TBC1D5: variants seen among roughly 807,000 people sequenced by gnomAD.
The protein encoded by TBC1D5 is TBC1 domain family, member 5.
A neutral mutation model predicts 100.3 loss-of-function variants in TBC1D5; 75 were observed. The ratio of observed to expected loss-of-function variants is 0.75; its 90% CI spans 0.62 to 0.91. TBC1D5 has a LOEUF of 0.91. Ranked by LOEUF, TBC1D5 falls within the 40% of genes least tolerant of loss-of-function variation. TBC1D5 has a pLI of 0.00. For missense variants in TBC1D5, 910 were observed against 942.4 expected, an observed-to-expected ratio of 0.97 and a Z score of 0.45; for synonymous variants, 323 against 325.6, an observed-to-expected ratio of 0.99 and a Z score of 0.09.
At chr3:17,201,221 C>T (rs564457429) in intron 18 of TBC1D5, among the ~76,000 whole-genome samples, 1 of 152,102 alleles carries the variant, frequency 6.6e-6, no homozygotes. Context: ...CAACTTCACC[C>T]TCTTTCAGTG....
chr3:17,330,250 C>T lies in TBC1D5; in HGVS notation c.996-22116G>A, dbSNP rs1240053831. 2.0e-5 allele frequency among the ~76,000 whole-genome samples: 3 copies of T among 152,138 alleles called. No individual in the cohort carries two copies. The East Asian group carries it at 5.8e-4, about 29-fold the overall frequency. ...CACTCAATTCCCTTTCCCTACAATC[C>T]AGCTGTTAACATCTATGAGGCGAAA... On this transcript the variant is annotated intron_variant, in intron 13 of 21. Transcript: ENST00000253692.
intron 8 of TBC1D5, among the ~76,000 whole-genome samples, chr3:17,384,529 G>C (rs2093073699): frequency 6.6e-6 from 1 of 151,748 alleles, no homozygotes; most frequent in Admixed American, 6.6e-5. Flanking sequence ...CACCACAACT[G>C]CAAGAACCCA....
intron 2 of TBC1D5, among the ~76,000 whole-genome samples, chr3:17,526,787 G>C (rs1252811702): frequency 2.6e-5 from 4 of 152,184 alleles, no homozygotes; most frequent in Non-Finnish European, 5.9e-5. Context: ...AGTAAGGTTA[G>C]AATAAAATCA....
At chr3:17,601,263 C>A (rs2060917261) in intron 2 of TBC1D5, among the ~76,000 whole-genome samples, 1 of 152,200 alleles carries the variant, frequency 6.6e-6, no homozygotes, top group Non-Finnish European at 1.5e-5. Flanking sequence ...GTAATCCCAG[C>A]ACTTTGGGAG....
chr3:17,561,780 T>C (rs549444157), intron 2 of TBC1D5, among the ~76,000 whole-genome samples: 7 of 152,314 alleles, frequency 4.6e-5, no homozygotes, highest in African/African-American at 1.7e-4. Context: ...TCATTTTATG[T>C]TGGCATGATC....
chr3:17,443,617 T>C (rs1333591010), intron 3 of TBC1D5, among the ~76,000 whole-genome samples: 1 of 152,242 alleles, frequency 6.6e-6, no homozygotes, highest in East Asian at 1.9e-4. Context: ...AGTTTTATTT[T>C]GTGCCTCAGC....
At chr3:17,400,745 CAGA>C (rs2093624474) in intron 8 of TBC1D5, among the ~76,000 whole-genome samples, 1 of 152,060 alleles carries the variant, frequency 6.6e-6, no homozygotes, top group Non-Finnish European at 1.5e-5. Flanking sequence ...ATAAAGCAGG[CAGA>C]AGAAGGTGGA....
chr3:17,203,419 C>T (rs915339004), intron 18 of TBC1D5, among the ~76,000 whole-genome samples: 5 of 152,030 alleles, frequency 3.3e-5, no homozygotes, highest in East Asian at 1.9e-4. Context: ...TGTGGACTTT[C>T]GAGTTAATGA....
intron 3 of TBC1D5, among the ~76,000 whole-genome samples, chr3:17,489,553 A>C (rs893937184): frequency 9.2e-5 from 14 of 151,986 alleles, no homozygotes; most frequent in African/African-American, 2.7e-4. Flanking sequence ...TCATTGTTCA[A>C]CTCCCACTGA....
intron 18 of TBC1D5, among the ~76,000 whole-genome samples, chr3:17,191,398 G>A (rs2069873695): frequency 6.6e-6 from 1 of 152,180 alleles, no homozygotes; most frequent in East Asian, 1.9e-4. Context: ...CTCAATAAAT[G>A]TGAATTTTAT....
chr3:17,186,254 G>A (rs2069057660), intron 18 of TBC1D5, among the ~76,000 whole-genome samples: 1 of 152,102 alleles, frequency 6.6e-6, no homozygotes, highest in African/African-American at 2.4e-5. Context: ...CTTTGAGAAT[G>A]AGTATAATTT....
At chr3:17,219,268 G>T (rs1385114684) in intron 17 of TBC1D5, among the ~76,000 whole-genome samples, 1 of 151,542 alleles carries the variant, frequency 6.6e-6, no homozygotes, top group Non-Finnish European at 1.5e-5. Flanking sequence ...TTTTTATAAA[G>T]CCCCTATTTT....
At chr3:17,286,850 C>T (rs1008605385) in intron 15 of TBC1D5, among the ~76,000 whole-genome samples, 4 of 152,142 alleles carry the variant, frequency 2.6e-5, no homozygotes, top group African/African-American at 9.7e-5. Flanking sequence ...AGCTCTGTGA[C>T]CTTGAATAAG....
intron 13 of TBC1D5, among the ~76,000 whole-genome samples, chr3:17,351,872 TAAAAC>T (rs2090626464): frequency 6.6e-6 from 1 of 150,704 alleles, no homozygotes; most frequent in African/African-American, 2.4e-5. Context: ...CTCATCATCT[TAAAAC>T]AAAGTTGGCT....
At chr3:17,285,495 C>T (rs1172463886) in intron 15 of TBC1D5, among the ~76,000 whole-genome samples, 2 of 151,638 alleles carry the variant, frequency 1.3e-5, no homozygotes, top group African/African-American at 2.4e-5. Flanking sequence ...CTCCTGACCT[C>T]GTGATCCGCC....
Position 17,502,969 on chromosome 3 carries a change from T to G in TBC1D5, c.97+5505A>C, listed in dbSNP as rs376729734. ...CTTTCCAGTACAGGCCACTATCATC[T>G]CACCTAGAATATTTCGATGGCTTCC... On this transcript the variant is annotated intron_variant, in intron 3 of 21. Coordinates refer to ENST00000253692, the Ensembl canonical transcript of TBC1D5. Among the ~76,000 whole-genome samples the G allele has an allele frequency of 2.7e-5, 4 of 149,830 alleles. 1 individual carries two copies. The South Asian group carries it at 8.4e-4, about 32-fold the overall frequency.
chr3:17,339,863 T>C (rs973656675), intron 13 of TBC1D5, among the ~76,000 whole-genome samples: 8 of 152,180 alleles, frequency 5.3e-5, no homozygotes, highest in Admixed American at 3.3e-4. Flanking sequence ...GGCAAACACA[T>C]ACCTTGCAGT....
At chr3:17,678,303 T>C (rs1171595614) in intron 1 of TBC1D5, among the ~76,000 whole-genome samples, 3 of 152,170 alleles carry the variant, frequency 2.0e-5, no homozygotes, top group South Asian at 4.1e-4. Context: ...CAGAAAGTTT[T>C]CAAGAGCTGC....
chr3:17,646,078 G>C (rs1289607616), intron 1 of TBC1D5, among the ~76,000 whole-genome samples: 1 of 152,056 alleles, frequency 6.6e-6, no homozygotes, highest in Non-Finnish European at 1.5e-5. Context: ...CTGAAGTGAT[G>C]AGGATGGGCC....
Sources: allele counts gnomAD v4.1 joint callset (sites outside exome capture counted in the v4.1 genomes callset), GRCh38; gene constraint gnomAD v4.1.1; transcripts MANE v1.5; gene names NCBI Gene and HGNC (gene_info 2026-07-23, HGNC 2026-07-21).